The following ZNF622 variants were observed in gnomAD, a reference collection of about 807,000 sequenced individuals.
ZNF622 encodes the protein cytoplasmic 60S subunit biogenesis factor ZNF622.
In ZNF622, 34 loss-of-function variants were observed where a neutral mutation model predicts 49.7. The ratio of observed to expected loss-of-function variants is 0.68; its 90% CI spans 0.52 to 0.91. The LOEUF (loss-of-function observed/expected upper bound fraction) is 0.91, where lower values mean the gene tolerates loss of function less well. Ranked by LOEUF, ZNF622 falls within the 40% of genes least tolerant of loss-of-function variation. The probability of loss-of-function intolerance (pLI) is 0.00; values close to 1 mark genes in which losing one functional copy is unlikely to be tolerated. For missense variants in ZNF622, 569 were observed against 616.4 expected, an observed-to-expected ratio of 0.92 and a Z score of 0.81; for synonymous variants, 209 against 228.7, an observed-to-expected ratio of 0.91 and a Z score of 0.78.
chr5:16,454,802 C>G (rs1013969301), intron 4 of ZNF622, among the ~76,000 whole-genome samples: 1 of 152,176 alleles, frequency 6.6e-6, no homozygotes, highest in African/African-American at 2.4e-5. Context: ...GCTGCAGAGA[C>G]AGAATTGCAC....
chr5:16,451,739 A>C lies in ZNF622; in HGVS notation c.1352T>G (p.Met451Arg). The C allele has an allele frequency of 6.2e-7, 1 of 1,614,056 alleles. No individual in the cohort carries two copies. The highest frequency in any genetic ancestry group is 1.3e-5 in the African/African-American group (1 of 75,022). ...TGTCTTCAGCATCCATTTTGATTTC[A>C]TCCTTTGGACATACTGCATGTCTCG... ...RERDMQYVQR[M>R]KSKWMLKTGM... Residue 451 changes from methionine (M) to arginine (R), a missense_variant, in exon 6 of 6, where the codon ATG becomes AGG. Coordinates refer to ENST00000308683, the MANE Select transcript of ZNF622 (RefSeq NM_033414.3).
At chr5:16,459,208 G>A (rs1470782097) in intron 3 of ZNF622, among the ~76,000 whole-genome samples, 2 of 152,238 alleles carry the variant, frequency 1.3e-5, no homozygotes, top group East Asian at 3.9e-4. Context: ...TGTTGACAAA[G>A]GCTATTCATA....
rs557071630 is a variant in ZNF622 at position 16,451,567 on chromosome 5, A to G, written c.*90T>C. ...GGTCAGAACGAATGAAGTAGCAGCAAAAGGGTCTCTCCTATGATCTGTCTT... is the reference window on the plus strand; with the variant it reads ...GGTCAGAACGAATGAAGTAGCAGCAGAAGGGTCTCTCCTATGATCTGTCTT... On this transcript the variant is annotated 3_prime_UTR_variant, in exon 6 of 6. Coordinates refer to ENST00000308683, the MANE Select transcript of ZNF622 (RefSeq NM_033414.3). The G allele has an allele frequency of 1.3e-6, 2 of 1,503,150 alleles. No homozygotes were observed. The highest frequency in any genetic ancestry group is 2.3e-5 in the Admixed American group (1 of 43,454). 93.1% of individuals were successfully genotyped at this position (1,503,150 alleles called of 1,614,324 possible).
chr5:16,463,557 T>C lies in ZNF622; in HGVS notation c.811A>G (p.Met271Val). 1.2e-6 allele frequency: 2 copies of C among 1,614,248 alleles called. No individual in the cohort carries two copies. Among genetic ancestry groups the C allele is most frequent in the Non-Finnish European group, 1.7e-6 (2 of 1,180,048 alleles). The change falls in exon 2 of 6, where the codon ATG becomes GTG. Residue 271 changes from methionine to valine, a missense_variant. Transcript: ENST00000308683. This position sits in a 1 kb window ranked among gnomAD's most constrained non-coding sequence, Gnocchi z 4.2. ...SSSLMKNVAHMTKDHSFFIPD... is the reference protein window; with the variant it reads ...SSSLMKNVAHVTKDHSFFIPD... ...ATAAAGAAACTGTGGTCTTTGGTCA[T>C]GTGAGCCACATTCTTCATCAGCGAG... is the stretch of plus-strand genomic sequence containing the variant.
chr5:16,453,579 A>AAAAAT (rs1561067779), intron 4 of ZNF622, among the ~76,000 whole-genome samples: 1 of 121,022 alleles, frequency 8.3e-6, no homozygotes, highest in African/African-American at 3.4e-5. Context: ...ATATATATAT[A>AAAAAT]TATATATATA....
At chr5:16,457,401 G>A (rs1378325798) in intron 4 of ZNF622, among the ~76,000 whole-genome samples, 1 of 152,214 alleles carries the variant, frequency 6.6e-6, no homozygotes, top group Non-Finnish European at 1.5e-5. Context: ...ACTGTCACCA[G>A]AGAAAGACTA....
intron 3 of ZNF622, 151 bp from the exon 4 acceptor site, chr5:16,458,780 G>A (rs1283033982): frequency 7.1e-6 from 4 of 564,108 alleles, no homozygotes; most frequent in Non-Finnish European, 1.2e-5. Flanking sequence ...AAAAGGTTTT[G>A]GGAGAAAACA....
chr5:16,452,380 T>A (rs1165194795), intron 5 of ZNF622, among the ~76,000 whole-genome samples: 1 of 152,210 alleles, frequency 6.6e-6, no homozygotes, highest in Admixed American at 6.5e-5. Flanking sequence ...ACCATACTGA[T>A]GAGGTTTCAA....
In ZNF622 at chr5:16,465,088, T is replaced by C; in HGVS notation, c.578A>G (p.Gln193Arg). 1 of 1,611,262 alleles carries C rather than the reference T, an allele frequency of 6.2e-7. No homozygotes were observed. Among genetic ancestry groups the C allele is most frequent in the Admixed American group, 1.7e-5 (1 of 59,754 alleles). The change falls in exon 1 of 6, where the codon CAG becomes CGG. Residue 193 changes from glutamine to arginine, a missense_variant. Coordinates refer to ENST00000308683, the MANE Select transcript of ZNF622 (RefSeq NM_033414.3). The surrounding 1 kb of genome is among the most constrained non-coding windows in gnomAD (Gnocchi z 6.2). ...FEQQAKKLAK[Q>R]QEEDSEEEEE... is the part of the protein sequence containing the mutation. ...CTCCTCCTCGCTGTCCTCCTCCTGC[T>C]GCTTTGCCAACTTCTTCGCCTGCTG...
chr5:16,451,574 C>T lies in ZNF622; in HGVS notation c.*83G>A, dbSNP rs985611431. ...ACGAATGAAGTAGCAGCAAAAGGGTCTCTCCTATGATCTGTCTTTCACTGG... is the reference window on the plus strand; with the variant it reads ...ACGAATGAAGTAGCAGCAAAAGGGTTTCTCCTATGATCTGTCTTTCACTGG... On this transcript the variant is annotated 3_prime_UTR_variant, in exon 6 of 6. Transcript: ENST00000308683. 4.6e-6 allele frequency: 7 copies of T among 1,515,640 alleles called. No individual in the cohort carries two copies. In the Admixed American group the frequency reaches 1.3e-4, roughly 29 times the overall value. The allele number at this position is 1,515,640 out of a possible 1,614,324, so 93.9% of individuals were successfully genotyped here.
At chr5:16,464,497 C>G (rs1031384781) in intron 1 of ZNF622, among the ~76,000 whole-genome samples, 1 of 152,130 alleles carries the variant, frequency 6.6e-6, no homozygotes, top group Non-Finnish European at 1.5e-5. Flanking sequence ...AGTGGACAGA[C>G]TAAGACATGA....
rs377295378 is a variant in ZNF622, at chr5:16,463,085, T to C, written c.1049+23A>G. The stretch of plus-strand genomic sequence containing the variant: ...CAAAGCAAATATGACCTCACTTTAC[T>C]TCATATTACAAACTATGCTTACCTA... On this transcript the variant is annotated intron_variant, in intron 3 of 5. Transcript: ENST00000308683. This position sits in a 1 kb window ranked among gnomAD's most constrained non-coding sequence, Gnocchi z 4.2. 7.0e-5 allele frequency: 112 copies of C among 1,591,950 alleles called. No homozygotes were observed. The African/African-American group carries it at 1.3e-3, about 18-fold the overall frequency.
In ZNF622 at chr5:16,465,793, T is replaced by G. The variant is rs567745999; in HGVS notation, c.-128A>C. ...GCCACTCGACACGCCGACTTCCTGA[T>G]TGTCACTGAGGAAACTTCCGGCACA... On this transcript the variant is annotated 5_prime_UTR_variant, in exon 1 of 6. Coordinates refer to ENST00000308683, the MANE Select transcript of ZNF622 (RefSeq NM_033414.3). The surrounding 1 kb of genome is among the most constrained non-coding windows in gnomAD (Gnocchi z 6.2). 49 of 1,281,260 alleles carry G rather than the reference T, an allele frequency of 3.8e-5. No homozygotes were observed. Among genetic ancestry groups the G allele is most frequent in the Non-Finnish European group, 2.1e-6 (2 of 939,110 alleles). 79.4% of individuals were successfully genotyped at this position (1,281,260 alleles called of 1,614,324 possible).
In ZNF622 at chr5:16,463,888, A is replaced by C; in HGVS notation, c.626-146T>G. ...AGGACAACTCCTCTTTCAAGATCTC[A>C]ATTTTAGCTATTTGTTTACCACAGA... On this transcript the variant is annotated intron_variant, in intron 1 of 5. Coordinates refer to ENST00000308683, the MANE Select transcript of ZNF622 (RefSeq NM_033414.3). The surrounding 1 kb of genome is among the most constrained non-coding windows in gnomAD (Gnocchi z 4.2). 6.0e-6 allele frequency: 5 copies of C among 827,622 alleles called. No individual in the cohort carries two copies. Among genetic ancestry groups the C allele is most frequent in the Non-Finnish European group, 9.5e-6 (5 of 527,190 alleles). 51.3% of individuals were successfully genotyped at this position (827,622 alleles called of 1,614,324 possible). A position where few individuals can be genotyped will look rare whatever the true frequency, so the allele number is the denominator to read the frequency against.
rs1738213300 is a variant in ZNF622, at chr5:16,465,775, G to T, written c.-110C>A. 1.4e-6 allele frequency: 2 copies of T among 1,382,822 alleles called. No homozygotes were observed. The highest frequency in any genetic ancestry group is 1.4e-5 in the South Asian group (1 of 70,642). The allele number at this position is 1,382,822 out of a possible 1,614,324, so 85.7% of individuals were successfully genotyped here. A position where few individuals can be genotyped will look rare whatever the true frequency, so the allele number is the denominator to read the frequency against. On this transcript the variant is annotated 5_prime_UTR_variant, in exon 1 of 6. Transcript: ENST00000308683. The surrounding 1 kb of genome is among the most constrained non-coding windows in gnomAD (Gnocchi z 6.2). ...CCTCAGCAGCCAGGAAGAGCCACTC[G>T]ACACGCCGACTTCCTGATTGTCACT...
chr5:16,456,599 AC>A (rs1738029835), intron 4 of ZNF622, among the ~76,000 whole-genome samples: 1 of 152,224 alleles, frequency 6.6e-6, no homozygotes, highest in Admixed American at 6.5e-5. Context: ...GTTGAATCTT[AC>A]AAGAAAAGTA....
chr5:16,458,651 A>G, intron 3 of ZNF622, 22 bp from the exon 4 acceptor site: 2 of 1,502,058 alleles, frequency 1.3e-6, no homozygotes. Context: ...AAATTGCACT[A>G]ATAAATAGAC....
chr5:16,465,064 T>A lies in ZNF622; in HGVS notation c.602A>T (p.Glu201Val), dbSNP rs755046835. Residue 201 changes from glutamate (E) to valine (V), a missense_variant, in exon 1 of 6, where the codon GAG becomes GTG. By Grantham distance (121) the Glu-to-Val change is moderately radical (BLOSUM62 -2). Coordinates refer to ENST00000308683, the MANE Select transcript of ZNF622 (RefSeq NM_033414.3). The surrounding 1 kb of genome is among the most constrained non-coding windows in gnomAD (Gnocchi z 6.2). ...AKQQEEDSEE[E>V]EEDLDGDDWE... ...ACCGTCTCCATCCAGGTCCTCTTCC[T>A]CCTCCTCGCTGTCCTCCTCCTGCTG... The A allele has an allele frequency of 1.4e-5, 23 of 1,599,344 alleles. No homozygotes were observed. Among genetic ancestry groups the A allele is most frequent in the Non-Finnish European group, 2.0e-5 (23 of 1,171,892 alleles).
intron 3 of ZNF622, among the ~76,000 whole-genome samples, chr5:16,461,958 G>A (rs1019116801): frequency 1.3e-5 from 2 of 152,176 alleles, no homozygotes; most frequent in Non-Finnish European, 2.9e-5. Context: ...ACTATCCATG[G>A]TATTTGCTTT....
Sources: gnomAD v4.1 joint callset for allele counts (sites outside exome capture counted in the v4.1 genomes callset) on GRCh38, gnomAD v4.1.1 for gene constraint, Gnocchi (gnomAD v3.1) non-coding constraint, MANE v1.5 for transcripts, NCBI Gene and HGNC (gene_info 2026-07-23, HGNC 2026-07-21) for gene names.